The following SPOCK3 variants were observed in gnomAD, a reference collection of about 807,000 sequenced individuals.
The protein encoded by SPOCK3 is SPARC (osteonectin), cwcv and kazal like domains proteoglycan 3, also known as testican-3.
SPOCK3 carries 30 observed loss-of-function variants against 56.6 expected under a neutral mutation model. That is an observed-to-expected ratio of 0.53 (90% CI 0.40 to 0.72). The LOEUF is 0.72. Ranked by LOEUF, SPOCK3 falls within the 30% of genes least tolerant of loss-of-function variation. SPOCK3 has a pLI of 0.00. For synonymous variants in SPOCK3, 196 were observed against 183.3 expected, an observed-to-expected ratio of 1.07 and a Z score of -0.56; for missense variants, 527 against 530.0, an observed-to-expected ratio of 0.99 and a Z score of 0.06.
At chr4:167,205,358 A>AT (rs1734056267) in intron 2 of SPOCK3, among the ~76,000 whole-genome samples, 4 of 37,766 alleles carry the variant, frequency 1.1e-4, no homozygotes, top group Non-Finnish European at 1.6e-4. Context: ...TATAATATAT[A>AT]TATTATATAT....
chr4:166,996,063 T>C (rs1216938803), intron 4 of SPOCK3, among the ~76,000 whole-genome samples: 3 of 152,184 alleles, frequency 2.0e-5, no homozygotes, highest in Non-Finnish European at 2.9e-5. Context: ...CAAGATTGCA[T>C]AGTTAAAATA....
At chr4:166,815,918 A>G (rs1744338000) in intron 6 of SPOCK3, among the ~76,000 whole-genome samples, 1 of 152,132 alleles carries the variant, frequency 6.6e-6, no homozygotes, top group Non-Finnish European at 1.5e-5. Context: ...CTATACAGCT[A>G]GCTAAATTGC....
chr4:167,107,515 T>A (rs1580312854), intron 2 of SPOCK3, among the ~76,000 whole-genome samples: 1 of 151,904 alleles, frequency 6.6e-6, no homozygotes, highest in Non-Finnish European at 1.5e-5. Flanking sequence ...ATAGAATCCA[T>A]GTATGACAGA....
intron 2 of SPOCK3, among the ~76,000 whole-genome samples, chr4:167,171,538 AGAT>A (rs1160130307): frequency 6.6e-6 from 1 of 152,184 alleles, no homozygotes; most frequent in Non-Finnish European, 1.5e-5. Context: ...TACAATCATT[AGAT>A]AATAATATAA....
intron 6 of SPOCK3, among the ~76,000 whole-genome samples, chr4:166,869,876 A>C (rs1335197823): frequency 6.6e-6 from 1 of 152,088 alleles, no homozygotes; most frequent in Non-Finnish European, 1.5e-5. Context: ...TGCCATAAAC[A>C]AGTAGAAACA....
At chr4:167,219,467 TA>T (rs1735687930) in intron 2 of SPOCK3, among the ~76,000 whole-genome samples, 2 of 152,134 alleles carry the variant, frequency 1.3e-5, no homozygotes, top group African/African-American at 4.8e-5. Context: ...TTTTAGGAGG[TA>T]TATCTAATGT....
intron 2 of SPOCK3, among the ~76,000 whole-genome samples, chr4:167,063,900 C>CA (rs1755846782): frequency 6.6e-6 from 1 of 151,830 alleles, no homozygotes; most frequent in Non-Finnish European, 1.5e-5. Context: ...TTTATCCAAT[C>CA]AACTGTTGAT....
At position 167,125,251 on chromosome 4, in the gene SPOCK3, G is replaced by A. The variant is rs1413597058; in HGVS notation, c.190-62714C>T. On this transcript the variant is annotated intron_variant, in intron 2 of 10. Coordinates refer to ENST00000357545, the MANE Select transcript of SPOCK3 (RefSeq NM_001040159.2). Reference sequence around the variant, plus strand: ...TATTTTTATTTATTTTTATTTTTTGGCTGGGGTAGAGGACTGCTGTTCACT... The same window carrying A: ...TATTTTTATTTATTTTTATTTTTTGACTGGGGTAGAGGACTGCTGTTCACT... Among the ~76,000 whole-genome samples the A allele has an allele frequency of 1.2e-4, 17 of 142,986 alleles. No individual in the cohort carries two copies. The South Asian group carries it at 3.7e-3, about 31-fold the overall frequency. 93.8% of individuals were successfully genotyped at this position (142,986 alleles called of 152,430 possible).
At chr4:166,938,026 A>G (rs1035594217) in intron 4 of SPOCK3, among the ~76,000 whole-genome samples, 20 of 147,916 alleles carry the variant, frequency 1.4e-4, no homozygotes, top group African/African-American at 5.0e-4. Flanking sequence ...CGGCCTATCC[A>G]CCCTATCTGC....
chr4:167,082,969 G>C (rs1757858234), intron 2 of SPOCK3, among the ~76,000 whole-genome samples: 1 of 152,034 alleles, frequency 6.6e-6, no homozygotes, highest in African/African-American at 2.4e-5. Flanking sequence ...CAGGCCCATT[G>C]TGATTTTATA....
At chr4:166,851,839 C>A (rs938583601) in intron 6 of SPOCK3, among the ~76,000 whole-genome samples, 1 of 151,986 alleles carries the variant, frequency 6.6e-6, no homozygotes, top group Non-Finnish European at 1.5e-5. Flanking sequence ...TATAAAGACA[C>A]ATGCACACGT....
intron 4 of SPOCK3, among the ~76,000 whole-genome samples, chr4:166,958,377 T>A (rs907950038): frequency 6.6e-5 from 10 of 152,158 alleles, no homozygotes. Context: ...ATTAACCTTT[T>A]TTTCTTATAA....
At chr4:166,995,050 C>T (rs1748204912) in intron 4 of SPOCK3, among the ~76,000 whole-genome samples, 1 of 152,006 alleles carries the variant, frequency 6.6e-6, no homozygotes, top group African/African-American at 2.4e-5. Context: ...TAACATAAGA[C>T]AATAAAGCAT....
chr4:167,130,875 T>A (rs982723286), intron 2 of SPOCK3, among the ~76,000 whole-genome samples: 3 of 152,132 alleles, frequency 2.0e-5, no homozygotes, highest in Non-Finnish European at 2.9e-5. Context: ...TAAAATATGA[T>A]CTTTACTTAA....
At chr4:167,014,628 T>C (rs1011498319) in intron 3 of SPOCK3, among the ~76,000 whole-genome samples, 1 of 152,080 alleles carries the variant, frequency 6.6e-6, no homozygotes, top group African/African-American at 2.4e-5. Context: ...ATGCTCCAGC[T>C]TGGGTGACAG....
chr4:167,111,194 A>G (rs1278934427), intron 2 of SPOCK3, among the ~76,000 whole-genome samples: 1 of 152,068 alleles, frequency 6.6e-6, no homozygotes, highest in Non-Finnish European at 1.5e-5. Context: ...GAGGAAAAAA[A>G]TTCACAACTA....
intron 2 of SPOCK3, among the ~76,000 whole-genome samples, chr4:167,125,431 C>T (rs546062809): frequency 4.7e-5 from 7 of 149,414 alleles, no homozygotes; most frequent in African/African-American, 1.7e-4. Flanking sequence ...AAAACACCCC[C>T]GGCCGGGCGC....
At chr4:167,060,760 A>G (rs1462151414) in intron 3 of SPOCK3, among the ~76,000 whole-genome samples, 2 of 152,104 alleles carry the variant, frequency 1.3e-5, no homozygotes, top group African/African-American at 4.8e-5. Context: ...ATTGCATAGC[A>G]GTTAGGAAAC....
chr4:166,855,046 C>A (rs1730510932), intron 6 of SPOCK3, among the ~76,000 whole-genome samples: 1 of 152,094 alleles, frequency 6.6e-6, no homozygotes, highest in African/African-American at 2.4e-5. Flanking sequence ...CACAACCATC[C>A]CTGCGAACAA....
Sources: gnomAD v4.1 joint callset for allele counts (sites outside exome capture counted in the v4.1 genomes callset) on GRCh38, gnomAD v4.1.1 for gene constraint, MANE v1.5 for transcripts, NCBI Gene and HGNC (gene_info 2026-07-23, HGNC 2026-07-21) for gene names.